The following GOLGA4 variants were observed in gnomAD, a reference collection of about 807,000 sequenced individuals.
GOLGA4 encodes golgin A4.
GOLGA4 carries 169 observed loss-of-function variants against 265.9 expected under a neutral mutation model. The ratio of observed to expected loss-of-function variants is 0.64; its 90% CI spans 0.56 to 0.72. The LOEUF is 0.72. GOLGA4 is among the 30% of genes least tolerant of loss of function. GOLGA4 has a pLI of 0.00. For synonymous variants in GOLGA4, 923 were observed against 855.8 expected, an observed-to-expected ratio of 1.08 and a Z score of -1.37; for missense variants, 2,482 against 2,483.4, an observed-to-expected ratio of 1.00 and a Z score of 0.01.
At chr3:37,268,904 G>A (rs749894450) in intron 2 of GOLGA4, among the ~76,000 whole-genome samples, 2 of 152,190 alleles carry the variant, frequency 1.3e-5, no homozygotes, top group Non-Finnish European at 2.9e-5. Context: ...TGGAACAAGG[G>A]AAACCATAGC....
In GOLGA4 at chr3:37,327,401, C is replaced by G; in HGVS notation, c.5515C>G (p.Gln1839Glu). The G allele has an allele frequency of 6.2e-7, 1 of 1,613,832 alleles. No individual in the cohort carries two copies. The highest frequency in any genetic ancestry group is 8.5e-7 in the Non-Finnish European group (1 of 1,179,834). Residue 1839 changes from glutamine (Q) to glutamate (E), a missense_variant, in exon 14 of 24, where the codon CAG (glutamine) becomes GAG (glutamate). Transcript: ENST00000361924. ...CTTGGAAAATGTGTTTGACGACGTC[C>G]AGAAAACCCTCCAGGAGAAGGAACT... Reference protein sequence around the residue: ...QNLENVFDDVQKTLQEKELTC... With the variant: ...QNLENVFDDVEKTLQEKELTC...
intron 22 of GOLGA4, among the ~76,000 whole-genome samples, chr3:37,357,624 T>A (rs1229019011): frequency 2.0e-5 from 3 of 152,186 alleles, no homozygotes; most frequent in African/African-American, 7.2e-5. Flanking sequence ...ATAATGTGAC[T>A]CATGATTGTT....
chr3:37,356,039 A>G (rs1217696601), intron 22 of GOLGA4, among the ~76,000 whole-genome samples: 2 of 152,292 alleles, frequency 1.3e-5, no homozygotes, highest in African/African-American at 4.8e-5. Context: ...AATAAAGAGC[A>G]TAAGCCAGTA....
chr3:37,338,930 A>T (rs1487859407), intron 19 of GOLGA4, among the ~76,000 whole-genome samples: 1 of 137,690 alleles, frequency 7.3e-6, no homozygotes, highest in East Asian at 2.1e-4. Flanking sequence ...GGCACGATCT[A>T]GGCTCACTGC....
intron 7 of GOLGA4, among the ~76,000 whole-genome samples, chr3:37,298,024 G>A (rs892496875): frequency 6.6e-6 from 1 of 150,898 alleles, no homozygotes; most frequent in South Asian, 2.1e-4. Flanking sequence ...GCGAGGCTCC[G>A]TCTCAAAAAA....
intron 2 of GOLGA4, among the ~76,000 whole-genome samples, chr3:37,255,351 CAG>C (rs2096745607): frequency 6.6e-6 from 1 of 151,936 alleles, no homozygotes; most frequent in Non-Finnish European, 1.5e-5. Context: ...TTAGTAGAGA[CAG>C]AGTTTCACCA....
chr3:37,347,276 A>G lies in GOLGA4; in HGVS notation c.6556A>G (p.Met2186Val), dbSNP rs1304971829. Residue 2186 changes from methionine to valine, a missense_variant, in exon 21 of 24, where the codon ATG (methionine) becomes GTG (valine). This residue lies in a region of GOLGA4 where 942 missense variants were observed against 983.1 expected (regional missense o/e 0.96). Transcript: ENST00000361924. ...EYLRKVLFEY[M>V]MGRETKTMAK... Reference sequence around the variant, plus strand: ...TTTGCGAAAAGTGCTTTTTGAGTATATGATGGGTCGTGAGACTAAGGTATA... The same window carrying G: ...TTTGCGAAAAGTGCTTTTTGAGTATGTGATGGGTCGTGAGACTAAGGTATA... 3 of 1,600,900 alleles carry G rather than the reference A, an allele frequency of 1.9e-6. No homozygotes were observed. Among genetic ancestry groups the G allele is most frequent in the Non-Finnish European group, 2.6e-6 (3 of 1,168,314 alleles).
At chr3:37,276,789 T>G (rs2096820551) in intron 2 of GOLGA4, among the ~76,000 whole-genome samples, 1 of 152,242 alleles carries the variant, frequency 6.6e-6, no homozygotes, top group Non-Finnish European at 1.5e-5. Context: ...GACCATATAA[T>G]AATTGTATGG....
Position 37,289,215 on chromosome 3 carries a change from T to C in GOLGA4, c.526-20T>C. 2.0e-6 allele frequency: 3 copies of C among 1,487,910 alleles called. No homozygotes were observed. The highest frequency in any genetic ancestry group is 2.8e-6 in the Non-Finnish European group (3 of 1,083,322). The allele number at this position is 1,487,910 out of a possible 1,614,324, so 92.2% of individuals were successfully genotyped here. A position where few individuals can be genotyped will look rare whatever the true frequency, so the allele number is the denominator to read the frequency against. On this transcript the variant is annotated intron_variant, in intron 4 of 23. Coordinates refer to ENST00000361924, the MANE Select transcript of GOLGA4 (RefSeq NM_002078.5). Reference sequence around the variant, plus strand: ...TACAGTTAGCTGTTTAACCAGCTTTTTTTTCTCTCTCAATTAAAGGGTATA... The same window carrying C: ...TACAGTTAGCTGTTTAACCAGCTTTCTTTTCTCTCTCAATTAAAGGGTATA...
chr3:37,244,820 TG>T (rs1458361534), intron 1 of GOLGA4, among the ~76,000 whole-genome samples: 1 of 152,242 alleles, frequency 6.6e-6, no homozygotes, highest in Non-Finnish European at 1.5e-5. Context: ...AAAATTTAAA[TG>T]GTAAAGATTG....
At chr3:37,363,396 T>C (rs1457544514) in intron 23 of GOLGA4, among the ~76,000 whole-genome samples, 1 of 152,234 alleles carries the variant, frequency 6.6e-6, no homozygotes, top group Non-Finnish European at 1.5e-5. Flanking sequence ...GTGCAGCATT[T>C]CTATTAATTG....
rs147083695 is a variant in GOLGA4, at chr3:37,302,382, A to T, written c.1234+50A>T. The T allele has an allele frequency of 1.7e-4, 260 of 1,493,944 alleles. 1 individual carries two copies. The African/African-American group carries it at 3.6e-3, about 21-fold the overall frequency. 92.5% of individuals were successfully genotyped at this position (1,493,944 alleles called of 1,614,324 possible). A position where few individuals can be genotyped will look rare whatever the true frequency, so the allele number is the denominator to read the frequency against. On this transcript the variant is annotated intron_variant, in intron 10 of 23. Transcript: ENST00000361924. ...TTATGTTGGAACTCAAAAGTTATTT[A>T]AAGTGCTTGACCAGTATTTTTAAAA...
At chr3:37,351,081 G>A (rs984268381) in intron 21 of GOLGA4, among the ~76,000 whole-genome samples, 4 of 151,902 alleles carry the variant, frequency 2.6e-5, no homozygotes, top group South Asian at 2.1e-4. Flanking sequence ...TCAAAATTGC[G>A]GTCAGTTCTC....
At position 37,335,046 on chromosome 3, in the gene GOLGA4, C is replaced by G. The variant is rs767235094; in HGVS notation, c.6193-7C>G. ...TTCCTTTTTTTCTTTTTTTTTAAAT[C>G]CTAAAGGCTCGTGAAGAAGAAATGA... On this transcript the variant is annotated splice_region_variant and splice_polypyrimidine_tract_variant and intron_variant, in intron 16 of 23. Transcript: ENST00000361924. 2 of 1,481,908 alleles carry G rather than the reference C, an allele frequency of 1.3e-6. No homozygotes were observed. Among genetic ancestry groups the G allele is most frequent in the South Asian group, 2.5e-5 (2 of 80,924 alleles). 91.8% of individuals were successfully genotyped at this position (1,481,908 alleles called of 1,614,324 possible).
intron 12 of GOLGA4, among the ~76,000 whole-genome samples, chr3:37,321,227 G>A (rs2096953966): frequency 6.6e-6 from 1 of 152,170 alleles, no homozygotes; most frequent in Admixed American, 6.5e-5. Context: ...TGATGGGGTG[G>A]TAGAGCCAAT....
chr3:37,287,111 C>T (rs1223180887), intron 4 of GOLGA4, among the ~76,000 whole-genome samples: 1 of 152,154 alleles, frequency 6.6e-6, no homozygotes, highest in Non-Finnish European at 1.5e-5. Context: ...GAGGCCAAGG[C>T]GGGTGGATCA....
intron 2 of GOLGA4, among the ~76,000 whole-genome samples, chr3:37,253,780 T>A (rs1415619104): frequency 1.3e-5 from 2 of 152,138 alleles, no homozygotes; most frequent in East Asian, 3.9e-4. Context: ...CCCAGCACTT[T>A]GGGAGGCCGA....
chr3:37,311,133 C>G (rs1294879033), intron 10 of GOLGA4, among the ~76,000 whole-genome samples: 1 of 152,054 alleles, frequency 6.6e-6, no homozygotes, highest in African/African-American at 2.4e-5. Context: ...AGTAAACTCT[C>G]AGTATATCCT....
In GOLGA4 at chr3:37,327,655, C is replaced by T; in HGVS notation, c.5769C>T (p.Ala1923=). ...VQPKLLSNME[A]QHNDLEFKLA... is the part of the protein sequence containing the mutation. ...CCAAATTGCTTAGTAACATGGAAGC[C>T]CAGCACAATGATCTGGAGTTTAAAT... Residue 1923 remains alanine (A), a synonymous_variant, in exon 14 of 24, where the codon GCC becomes GCT. Coordinates refer to ENST00000361924, the MANE Select transcript of GOLGA4 (RefSeq NM_002078.5). 1 of 1,613,850 alleles carries T rather than the reference C, an allele frequency of 6.2e-7. No individual in the cohort carries two copies. Among genetic ancestry groups the T allele is most frequent in the South Asian group, 1.1e-5 (1 of 91,042 alleles).
Sources: gnomAD v4.1 joint callset for allele counts (sites outside exome capture counted in the v4.1 genomes callset) on GRCh38, gnomAD v4.1.1 for gene constraint, gnomAD v4.1.1 regional missense constraint, MANE v1.5 for transcripts, NCBI Gene and HGNC (gene_info 2026-07-23, HGNC 2026-07-21) for gene names.